The following RORA variants were observed in gnomAD, a reference collection of about 807,000 sequenced individuals.
The protein encoded by RORA is RAR related orphan receptor A, also known as nuclear receptor ROR-alpha.
In RORA, 7 loss-of-function variants were observed where a neutral mutation model predicts 69.5. That is an observed-to-expected ratio of 0.10 (90% confidence interval 0.06 to 0.19). The LOEUF is 0.19. Among genes scored for constraint, RORA ranks in the 10% least tolerant of loss-of-function variants. The pLI, the probability that RORA is intolerant of heterozygous loss-of-function variation, is 1.00. For missense variants in RORA, 457 were observed against 663.0 expected, an observed-to-expected ratio of 0.69 and a Z score of 3.41; for synonymous variants, 261 against 240.8, an observed-to-expected ratio of 1.08 and a Z score of -0.78.
In RORA at chr15:60,985,582, CTTTTTTTTT is replaced by C. The variant is rs11451387; in HGVS notation, c.166+243462_166+243470del. Among the ~76,000 whole-genome samples the C allele has an allele frequency of 2.9e-4, 29 of 100,848 alleles. No individual in the cohort carries two copies. The South Asian group carries it at 6.1e-3, about 21-fold the overall frequency. The allele number at this position is 100,848 out of a possible 152,430, so 66.2% of individuals were successfully genotyped here. Reference sequence around the variant, plus strand: ...TTGTGCTAGGTAAGAAACTCATCCTCTTTTTTTTTTTTTTTTTTTTTGAGATGGGGTCTC... The same window carrying C: ...TTGTGCTAGGTAAGAAACTCATCCTCTTTTTTTTTTTTGAGATGGGGTCTC... On this transcript the variant is annotated intron_variant, in intron 1 of 10. Transcript: ENST00000335670.
intron 1 of RORA, among the ~76,000 whole-genome samples, chr15:61,096,382 T>C (rs2078790462): frequency 6.6e-6 from 1 of 152,210 alleles, no homozygotes; most frequent in East Asian, 1.9e-4. Flanking sequence ...TAAGCTCATT[T>C]AGTAGCGACA....
chr15:60,954,732 A>G (rs7182517), intron 1 of RORA, among the ~76,000 whole-genome samples: 141,160 of 152,236 alleles, frequency 0.93, 66,424 homozygotes, highest in East Asian at 1. Context: ...AAGTAATTAC[A>G]GTTTTTGCCA....
Position 60,996,792 on chromosome 15 carries a change from C to T in RORA, c.166+232261G>A, listed in dbSNP as rs1037670521. ...GGGAGTGGTGGCAGGCGCCTGTAGT[C>T]GCAGCTACTCGGGAGGCTGAAGCAG... On this transcript the variant is annotated intron_variant, in intron 1 of 10. Coordinates refer to ENST00000335670, the MANE Select transcript of RORA (RefSeq NM_134261.3). 3.3e-5 allele frequency among the ~76,000 whole-genome samples: 5 copies of T among 152,010 alleles called. No individual in the cohort carries two copies. The South Asian group carries it at 8.3e-4, about 25-fold the overall frequency.
chr15:60,529,401 CAG>C (rs1232644162), intron 3 of RORA: 13 of 152,188 alleles, frequency 8.5e-5, no homozygotes, highest in African/African-American at 3.1e-4. Context: ...TTAGTTATAG[CAG>C]AGAGAAATTA....
intron 1 of RORA, among the ~76,000 whole-genome samples, chr15:61,212,258 TA>T (rs59750504): frequency 2.7e-5 from 4 of 149,068 alleles, no homozygotes; most frequent in African/African-American, 7.4e-5. Flanking sequence ...TTGTTTGTTT[TA>T]AAAAAAAAAG....
intron 1 of RORA, among the ~76,000 whole-genome samples, chr15:61,049,658 T>G (rs1435274218): frequency 6.6e-6 from 1 of 152,072 alleles, no homozygotes; most frequent in Admixed American, 6.6e-5. Context: ...TCTTTCTTTC[T>G]TTTTTCTTTT....
In RORA at chr15:60,938,278, T is replaced by C. The variant is rs148963204; in HGVS notation, c.167-259592A>G. 2.0e-3 allele frequency among the ~76,000 whole-genome samples: 305 copies of C among 152,308 alleles called. 1 individual carries two copies. The highest frequency in any genetic ancestry group is 7.1e-3 in the African/African-American group (294 of 41,578). On this transcript the variant is annotated intron_variant, in intron 1 of 10. Coordinates refer to ENST00000335670, the MANE Select transcript of RORA (RefSeq NM_134261.3). ...AAAAACAATGTCTAAAACAGGTCTG[T>C]AGGAGGCAATAATGAAGAAAAATTT...
chr15:60,625,043 G>A (rs545575379), intron 2 of RORA, among the ~76,000 whole-genome samples: 6 of 152,246 alleles, frequency 3.9e-5, no homozygotes, highest in South Asian at 4.1e-4. Context: ...ACTTTTCTTC[G>A]TTTGCAAATT....
intron 1 of RORA, among the ~76,000 whole-genome samples, chr15:61,201,903 C>T (rs1313733047): frequency 6.6e-6 from 1 of 151,868 alleles, no homozygotes; most frequent in African/African-American, 2.4e-5. Flanking sequence ...TTCCTCATAA[C>T]ATTACAAGCG....
chr15:60,804,672 T>G lies in RORA; in HGVS notation c.167-125986A>C, dbSNP rs1001813661. 2.0e-5 allele frequency among the ~76,000 whole-genome samples: 3 copies of G among 152,192 alleles called. No individual in the cohort carries two copies. In the South Asian group the frequency reaches 6.2e-4, roughly 31 times the overall value. ...GAAGGACTACAAATATTTTTGAATT[T>G]CCACAAACGAGGGGTGTGACTATAG... On this transcript the variant is annotated intron_variant, in intron 1 of 10. Transcript: ENST00000335670.
At chr15:60,618,805 A>G (rs1488887409) in intron 2 of RORA, among the ~76,000 whole-genome samples, 2 of 152,130 alleles carry the variant, frequency 1.3e-5, no homozygotes, top group African/African-American at 4.8e-5. Flanking sequence ...TTTCTTTGTA[A>G]CTTTTCCTGC....
At chr15:60,660,215 C>T (rs2070284208) in intron 2 of RORA, among the ~76,000 whole-genome samples, 1 of 152,122 alleles carries the variant, frequency 6.6e-6, no homozygotes, top group Non-Finnish European at 1.5e-5. Context: ...ATCTGGAACA[C>T]AGATAATGTG....
At chr15:61,008,203 CTGTGTGTGTG>C (rs10581853) in intron 1 of RORA, among the ~76,000 whole-genome samples, 34 of 135,054 alleles carry the variant, frequency 2.5e-4, no homozygotes, top group Admixed American at 4.4e-4. Flanking sequence ...CTCTCTCTCT[CTGTGTGTGTG>C]TGTGTGTGTG....
chr15:61,022,745 T>G (rs2140419217), intron 1 of RORA, among the ~76,000 whole-genome samples: 1 of 152,292 alleles, frequency 6.6e-6, no homozygotes, highest in South Asian at 2.1e-4. Flanking sequence ...ACTGGTTAAT[T>G]CTATTCTAAA....
chr15:61,139,804 A>G (rs1488962564), intron 1 of RORA, among the ~76,000 whole-genome samples: 2 of 152,232 alleles, frequency 1.3e-5, no homozygotes, highest in African/African-American at 4.8e-5. Context: ...ACCCAAAAAT[A>G]AATCACAAGA....
At chr15:60,733,126 T>A (rs749190840) in intron 1 of RORA, among the ~76,000 whole-genome samples, 2 of 152,210 alleles carry the variant, frequency 1.3e-5, no homozygotes, top group Non-Finnish European at 2.9e-5. Flanking sequence ...GACTCAATTA[T>A]GCTTCTTATG....
intron 2 of RORA, among the ~76,000 whole-genome samples, chr15:60,549,761 C>G (rs1366851097): frequency 6.6e-6 from 1 of 152,148 alleles, no homozygotes; most frequent in Non-Finnish European, 1.5e-5. Flanking sequence ...ATCTCCTTCC[C>G]AATCAACAAA....
chr15:60,692,039 A>G (rs111884107), intron 1 of RORA, among the ~76,000 whole-genome samples: 1 of 152,206 alleles, frequency 6.6e-6, no homozygotes, highest in African/African-American at 2.4e-5. Flanking sequence ...ACTATTTTGG[A>G]AACAGTGATT....
intron 1 of RORA, among the ~76,000 whole-genome samples, chr15:60,838,707 CACA>C (rs2073152036): frequency 2.6e-5 from 4 of 152,272 alleles, no homozygotes; most frequent in Admixed American, 6.5e-5. Flanking sequence ...GTTTCCAGGG[CACA>C]TGGTTTAACC....
Sources: gnomAD v4.1 joint callset for allele counts (sites outside exome capture counted in the v4.1 genomes callset) on GRCh38, gnomAD v4.1.1 for gene constraint, MANE v1.5 for transcripts, NCBI Gene and HGNC (gene_info 2026-07-23, HGNC 2026-07-21) for gene names.